The following PROS1 variants were observed in gnomAD, a reference collection of about 807,000 sequenced individuals.
PROS1 encodes the protein vitamin K-dependent protein S.
PROS1 carries 29 observed loss-of-function variants against 75.9 expected under a neutral mutation model. The observed-to-expected ratio is 0.38, with a 90% CI of 0.28 to 0.52. The LOEUF (loss-of-function observed/expected upper bound fraction) is 0.52. Ranked by LOEUF, PROS1 falls within the 20% of genes least tolerant of loss-of-function variation. PROS1 has a pLI of 0.83. For synonymous variants in PROS1, 245 were observed against 280.6 expected (o/e 0.87, Z 1.27); for missense variants, 680 against 810.3 (o/e 0.84, Z 1.95).
At chr3:93,944,911 A>C (rs1709354978) in intron 1 of PROS1, among the ~76,000 whole-genome samples, 1 of 152,020 alleles carries the variant, frequency 6.6e-6, no homozygotes, top group South Asian at 2.1e-4. Flanking sequence ...AGAATAATAA[A>C]GAAGATTGCA....
At chr3:93,906,665 A>T (rs947833161) in intron 4 of PROS1, among the ~76,000 whole-genome samples, 1 of 152,202 alleles carries the variant, frequency 6.6e-6, no homozygotes, top group Non-Finnish European at 1.5e-5. Context: ...GAGTCCCCTG[A>T]GTGCAGCTGC....
chr3:93,936,664 A>C (rs147075484), intron 1 of PROS1, among the ~76,000 whole-genome samples: 4 of 152,304 alleles, frequency 2.6e-5, no homozygotes, highest in Admixed American at 6.5e-5. Flanking sequence ...CAGAACTGCA[A>C]GAAAATAAAT....
chr3:93,950,615 G>T (rs929945201), intron 1 of PROS1, among the ~76,000 whole-genome samples: 10 of 152,234 alleles, frequency 6.6e-5, no homozygotes, highest in African/African-American at 2.4e-4. Context: ...ACCTGCAGCT[G>T]AGGTTCCTGA....
intron 1 of PROS1, among the ~76,000 whole-genome samples, chr3:93,927,993 G>GTGTA (rs1304225620): frequency 1.6e-4 from 4 of 25,614 alleles, no homozygotes; most frequent in African/African-American, 3.1e-4. Context: ...GTGTGTGTGT[G>GTGTA]TATATATATA....
intron 1 of PROS1, among the ~76,000 whole-genome samples, chr3:93,969,687 G>C (rs899518342): frequency 6.6e-6 from 1 of 152,072 alleles, no homozygotes; most frequent in African/African-American, 2.4e-5. Flanking sequence ...TGTAGGCCTG[G>C]CTTCTGTAGG....
intron 2 of PROS1, 55 bp downstream of exon 2, chr3:93,927,195 A>T: frequency 6.2e-7 from 1 of 1,602,256 alleles, no homozygotes; most frequent in Non-Finnish European, 8.5e-7. Flanking sequence ...GGAAATGTTC[A>T]GTCTGTAGTT....
rs1553809314 is a variant in PROS1, at chr3:93,886,455, C to A, written c.1204G>T (p.Glu402Ter). 1 of 1,612,750 alleles carries A rather than the reference C, an allele frequency of 6.2e-7. No homozygotes were observed. The highest frequency in any genetic ancestry group is 8.5e-7 in the Non-Finnish European group (1 of 1,178,880). Reference sequence around the variant, plus strand: ...GGTTTATTTATATCCATCACAGCTTCTTTAGCTATTTTAATGCTAATACTA... The same window carrying A: ...GGTTTATTTATATCCATCACAGCTTATTTAGCTATTTTAATGCTAATACTA... ...EHSISIKIAK[E>*]AVMDINKPGP... is the part of the protein sequence containing the mutation. Residue 402 changes from glutamate (E) to a stop codon, truncating the protein, a stop_gained, in exon 11 of 15, where the codon GAA becomes TAA. Coordinates refer to ENST00000394236, the MANE Select transcript of PROS1 (RefSeq NM_000313.4). LOFTEE classifies it high-confidence loss of function.
intron 1 of PROS1, among the ~76,000 whole-genome samples, chr3:93,931,276 C>G (rs1709101541): frequency 6.6e-6 from 1 of 152,182 alleles, no homozygotes. Flanking sequence ...TGAGTGTATT[C>G]TGCTACTCAA....
intron 3 of PROS1, among the ~76,000 whole-genome samples, chr3:93,911,822 C>T (rs147894499): frequency 6.6e-6 from 1 of 152,234 alleles, no homozygotes; most frequent in East Asian, 1.9e-4. Context: ...TTCTGTTGAT[C>T]AAAGGGGTCC....
intron 1 of PROS1, among the ~76,000 whole-genome samples, chr3:93,932,168 T>A (rs958275657): frequency 6.6e-6 from 1 of 152,262 alleles, no homozygotes; most frequent in South Asian, 2.1e-4. Context: ...TTATTTACCA[T>A]AATAACCATG....
chr3:93,958,441 G>A (rs529842569), intron 1 of PROS1: 3 of 152,296 alleles, frequency 2.0e-5, no homozygotes, highest in African/African-American at 7.2e-5. Context: ...TCCAACATCT[G>A]TCAAAACCTC....
chr3:93,965,110 C>G (rs752147100), intron 1 of PROS1, among the ~76,000 whole-genome samples: 1 of 152,194 alleles, frequency 6.6e-6, no homozygotes. Context: ...GGACAAGGAT[C>G]GGGATAAAAA....
chr3:93,955,289 C>A (rs532097263), intron 1 of PROS1, among the ~76,000 whole-genome samples: 2 of 152,066 alleles, frequency 1.3e-5, no homozygotes, highest in African/African-American at 2.4e-5. Context: ...ATGTTTATTG[C>A]GGCACTATTC....
intron 10 of PROS1, among the ~76,000 whole-genome samples, chr3:93,890,041 A>C (rs1274669937): frequency 5.3e-5 from 8 of 152,244 alleles, no homozygotes; most frequent in African/African-American, 1.9e-4. Flanking sequence ...AAAGAATATT[A>C]ATAATTAATA....
intron 3 of PROS1, among the ~76,000 whole-genome samples, chr3:93,920,700 C>T (rs1173736210): frequency 6.6e-6 from 1 of 152,016 alleles, no homozygotes; most frequent in Non-Finnish European, 1.5e-5. Flanking sequence ...TTGTTCTCAA[C>T]CATAAAGAAA....
intron 1 of PROS1, among the ~76,000 whole-genome samples, chr3:93,931,742 G>T (rs1237593876): frequency 6.6e-6 from 1 of 152,082 alleles, no homozygotes. Context: ...TACGGTTTTG[G>T]CTGCACCACT....
At chr3:93,947,338 A>G (rs8178599) in intron 1 of PROS1, among the ~76,000 whole-genome samples, 1 of 152,084 alleles carries the variant, frequency 6.6e-6, no homozygotes, top group Non-Finnish European at 1.5e-5. Context: ...ATTCAGAATA[A>G]CAAAACAGTT....
chr3:93,941,663 C>T (rs924942438), intron 1 of PROS1, among the ~76,000 whole-genome samples: 9 of 152,200 alleles, frequency 5.9e-5, no homozygotes, highest in African/African-American at 2.2e-4. Context: ...AGCCAAAGTG[C>T]AGGGCTGTGC....
chr3:93,957,659 C>T (rs1709625689), intron 1 of PROS1, among the ~76,000 whole-genome samples: 1 of 152,184 alleles, frequency 6.6e-6, no homozygotes, highest in African/African-American at 2.4e-5. Context: ...CAAAACACTA[C>T]ATTGTACCCT....
Sources: gnomAD v4.1 joint callset for allele counts (sites outside exome capture counted in the v4.1 genomes callset) on GRCh38, gnomAD v4.1.1 for gene constraint, MANE v1.5 for transcripts, NCBI Gene and HGNC (gene_info 2026-07-23, HGNC 2026-07-21) for gene names.